Variants in SLC24A2 observed in about 807,000 individuals in gnomAD.
SLC24A2 encodes the protein solute carrier family 24 member 2.
SLC24A2 carries 36 observed loss-of-function variants against 62.0 expected under a neutral mutation model. That is an observed-to-expected ratio of 0.58 (90% confidence interval 0.44 to 0.77). SLC24A2 has a LOEUF of 0.77. Among genes scored for constraint, SLC24A2 ranks in the 30% least tolerant of loss-of-function variants. The pLI, the probability that SLC24A2 is intolerant of heterozygous loss-of-function variation, is 0.00. For synonymous variants in SLC24A2, 358 were observed against 294.0 expected, an observed-to-expected ratio of 1.22 and a Z score of -2.23; for missense variants, 846 against 817.9, an observed-to-expected ratio of 1.03 and a Z score of -0.42.
the SLC24A2 span, among the ~76,000 whole-genome samples, chr9:19,961,194 G>T: frequency 6.6e-6 from 1 of 150,854 alleles, no homozygotes; most frequent in African/African-American, 2.4e-5. Context: ...AAACCTGCAC[G>T]TTGTGCACAC....
intron 2 of SLC24A2, among the ~76,000 whole-genome samples, chr9:19,679,158 G>A (rs1819641474): frequency 6.6e-6 from 1 of 152,144 alleles, no homozygotes; most frequent in Non-Finnish European, 1.5e-5. Context: ...CCAGCTTGTG[G>A]CAGGTTTTTA....
chr9:19,948,088 A>G, the SLC24A2 span, among the ~76,000 whole-genome samples: 2 of 152,216 alleles, frequency 1.3e-5, no homozygotes, highest in Non-Finnish European at 2.9e-5. Context: ...AATTCTTAAA[A>G]AGAAATCCAA....
the SLC24A2 span, among the ~76,000 whole-genome samples, chr9:20,089,386 G>A: frequency 6.6e-6 from 1 of 152,088 alleles, no homozygotes; most frequent in Non-Finnish European, 1.5e-5. Context: ...TCTCCAAGGA[G>A]GAAATCTTAG....
chr9:19,534,083 T>G (rs1833837234), intron 8 of SLC24A2, among the ~76,000 whole-genome samples: 1 of 152,216 alleles, frequency 6.6e-6, no homozygotes, highest in South Asian at 2.1e-4. Context: ...AGAAACCTTC[T>G]GACCATTTAT....
At chr9:19,988,548 T>C in the SLC24A2 span, among the ~76,000 whole-genome samples, 1 of 152,146 alleles carries the variant, frequency 6.6e-6, no homozygotes, top group South Asian at 2.1e-4. Context: ...TTTACAAGGC[T>C]CTCACCAGCT....
At chr9:20,183,281 A>G in the SLC24A2 span, among the ~76,000 whole-genome samples, 3 of 152,226 alleles carry the variant, frequency 2.0e-5, no homozygotes, top group African/African-American at 7.2e-5. Flanking sequence ...AAGATTAACC[A>G]TAATATAAGT....
the SLC24A2 span, among the ~76,000 whole-genome samples, chr9:19,887,391 C>G: frequency 6.6e-6 from 1 of 152,034 alleles, no homozygotes; most frequent in African/African-American, 2.4e-5. Flanking sequence ...TTTTGCTGTA[C>G]AGATGAATGG....
At chr9:20,128,420 T>C in the SLC24A2 span, among the ~76,000 whole-genome samples, 1 of 152,260 alleles carries the variant, frequency 6.6e-6, no homozygotes, top group African/African-American at 2.4e-5. Flanking sequence ...TTCCTATTAC[T>C]GTTACTGCTA....
At chr9:20,114,399 T>C in the SLC24A2 span, among the ~76,000 whole-genome samples, 1 of 152,138 alleles carries the variant, frequency 6.6e-6, no homozygotes, top group African/African-American at 2.4e-5. Flanking sequence ...AGTCCTATGC[T>C]AAAGGCTGCT....
chr9:19,635,235 T>C (rs1026758031), intron 2 of SLC24A2, among the ~76,000 whole-genome samples: 1 of 152,236 alleles, frequency 6.6e-6, no homozygotes, highest in East Asian at 1.9e-4. Flanking sequence ...ATTTTCATTG[T>C]TGGAATTAAA....
chr9:19,772,435 A>G (rs1822717841), intron 2 of SLC24A2, among the ~76,000 whole-genome samples: 1 of 152,226 alleles, frequency 6.6e-6, no homozygotes, highest in African/African-American at 2.4e-5. Context: ...ATTTCTTAAA[A>G]GCTCACAGAA....
At chr9:20,080,820 T>G in the SLC24A2 span, among the ~76,000 whole-genome samples, 8 of 151,958 alleles carry the variant, frequency 5.3e-5, no homozygotes, top group Non-Finnish European at 1.0e-4. Flanking sequence ...GGGCGAAGGA[T>G]ATGAACAGAC....
At chr9:19,710,117 T>A (rs1401779560) in intron 2 of SLC24A2, among the ~76,000 whole-genome samples, 1 of 152,104 alleles carries the variant, frequency 6.6e-6, no homozygotes, top group Non-Finnish European at 1.5e-5. Flanking sequence ...GAAGAAAGAT[T>A]GGAGAGGGGC....
chr9:20,016,916 C>T, the SLC24A2 span, among the ~76,000 whole-genome samples: 5 of 152,052 alleles, frequency 3.3e-5, no homozygotes, highest in South Asian at 4.2e-4. Flanking sequence ...ATAAACTATA[C>T]GAATATGCAT....
chr9:20,195,726 C>T, the SLC24A2 span, among the ~76,000 whole-genome samples: 19 of 152,100 alleles, frequency 1.2e-4, no homozygotes, highest in Non-Finnish European at 2.4e-4. Flanking sequence ...CACTCTTTAT[C>T]ATCTAAGTGA....
chr9:20,285,395 C>T, the SLC24A2 span, among the ~76,000 whole-genome samples: 6 of 152,266 alleles, frequency 3.9e-5, no homozygotes, highest in South Asian at 2.1e-4. Flanking sequence ...CCAAGGAAGG[C>T]AATTTAATTC....
chr9:19,830,898 G>T, the SLC24A2 span, among the ~76,000 whole-genome samples: 2 of 152,164 alleles, frequency 1.3e-5, no homozygotes, highest in African/African-American at 4.8e-5. Flanking sequence ...AGTTCTGGGG[G>T]CTGGAAAGTT....
chr9:19,610,964 A>T (rs1837141825), intron 4 of SLC24A2, among the ~76,000 whole-genome samples: 1 of 152,258 alleles, frequency 6.6e-6, no homozygotes, highest in South Asian at 2.1e-4. Context: ...AAGGGTAGAG[A>T]CAGGCAGCAT....
chr9:19,881,794 T>C, the SLC24A2 span, among the ~76,000 whole-genome samples: 2 of 152,294 alleles, frequency 1.3e-5, no homozygotes, highest in Admixed American at 1.3e-4. Flanking sequence ...ACATTAGACA[T>C]AAACAACTGC....
Sources: gnomAD v4.1 joint callset for allele counts (sites outside exome capture counted in the v4.1 genomes callset) on GRCh38, gnomAD v4.1.1 for gene constraint, MANE v1.5 for transcripts, NCBI Gene and HGNC (gene_info 2026-07-23, HGNC 2026-07-21) for gene names.